MRTFB: variants seen among roughly 807,000 people sequenced by gnomAD.
MRTFB encodes myocardin-related transcription factor B.
Under a neutral mutation model 104.2 loss-of-function variants are expected in MRTFB, and 29 were observed. The ratio of observed to expected loss-of-function variants is 0.28; its 90% CI spans 0.21 to 0.38. MRTFB has a LOEUF of 0.38. Ranked by LOEUF, MRTFB falls within the 10% of genes least tolerant of loss-of-function variation. MRTFB has a pLI of 1.00. For missense variants in MRTFB, 1,270 were observed against 1,341.6 expected (o/e 0.95, Z 0.83); for synonymous variants, 535 against 519.5 (o/e 1.03, Z -0.41).
intron 2 of MRTFB, among the ~76,000 whole-genome samples, chr16:14,128,014 A>G (rs1474414787): frequency 7.1e-6 from 1 of 141,754 alleles, no homozygotes; most frequent in Non-Finnish European, 1.5e-5. Context: ...TTCTGTCTGC[A>G]TGCAGTAAGT....
intron 3 of MRTFB, among the ~76,000 whole-genome samples, chr16:14,207,360 G>A (rs75439678): frequency 0.053 from 8,034 of 152,214 alleles, 654 homozygotes; most frequent in African/African-American, 0.17. Flanking sequence ...ATAATTGGTG[G>A]TTGGTGTCTA....
Position 14,140,693 on chromosome 16 carries a change from T to C in MRTFB, c.87T>C (p.Ala29=), listed in dbSNP as rs968281666. Reference sequence around the variant, plus strand: ...CAAGTCCTCAGAGTGAAGCTGTGGCTCATGAATTCCAGGAACTCTCCTTGC... The same window carrying C: ...CAAGTCCTCAGAGTGAAGCTGTGGCCCATGAATTCCAGGAACTCTCCTTGC... The part of the protein sequence containing the change: ...LAPSPQSEAV[A]HEFQELSLQS... The change falls in exon 3 of 17, where the codon GCT becomes GCC. Residue 29 remains alanine (A), a synonymous_variant. Transcript: ENST00000571589. 3.7e-6 allele frequency: 6 copies of C among 1,614,040 alleles called. No homozygotes were observed. In the African/African-American group the frequency reaches 8.0e-5, roughly 22 times the overall value.
chr16:14,180,571 C>G (rs1392451824), intron 3 of MRTFB, among the ~76,000 whole-genome samples: 1 of 152,182 alleles, frequency 6.6e-6, no homozygotes, highest in African/African-American at 2.4e-5. Context: ...GTCTCTTACA[C>G]AAGTGTAGTC....
chr16:14,065,425 T>C, the MRTFB span, among the ~76,000 whole-genome samples: 1 of 152,202 alleles, frequency 6.6e-6, no homozygotes, highest in Admixed American at 6.5e-5. Context: ...TCTGACTTCC[T>C]CTTTTCCTAT....
At chr16:14,144,533 A>C (rs550591523) in intron 3 of MRTFB, 1 of 152,336 alleles carries the variant, frequency 6.6e-6, no homozygotes, top group East Asian at 1.9e-4. Flanking sequence ...AAAATTGCTA[A>C]GATAGTAGAT....
At chr16:14,089,001 T>C (rs1211342744) in intron 2 of MRTFB, among the ~76,000 whole-genome samples, 2 of 152,142 alleles carry the variant, frequency 1.3e-5, no homozygotes, top group Non-Finnish European at 2.9e-5. Context: ...ACTGTAGGGA[T>C]TTATTGGTAG....
intron 8 of MRTFB, among the ~76,000 whole-genome samples, chr16:14,228,575 C>CAAA (rs373167499): frequency 6.5e-4 from 88 of 135,152 alleles, no homozygotes; most frequent in African/African-American, 2.2e-3. Flanking sequence ...GACTCCGTCC[C>CAAA]AAAAAAAAAA....
At chr16:14,033,262 T>G in the MRTFB span, among the ~76,000 whole-genome samples, 1 of 151,640 alleles carries the variant, frequency 6.6e-6, no homozygotes, top group Admixed American at 6.6e-5. Flanking sequence ...AAAAAAAACA[T>G]AGGTCGGGTG....
chr16:14,149,534 C>G (rs184308332), intron 3 of MRTFB: 5 of 152,220 alleles, frequency 3.3e-5, no homozygotes, highest in Admixed American at 3.3e-4. Flanking sequence ...ACCACTGCCA[C>G]GTATTATAGG....
chr16:14,248,800 T>C (rs1174734705), intron 12 of MRTFB, 126 bp from the exon 13 acceptor site: 10 of 936,044 alleles, frequency 1.1e-5, no homozygotes, highest in Middle Eastern at 2.2e-4. Flanking sequence ...GAAGTGTGTA[T>C]CTGTAACCTT....
chr16:14,167,216 G>A (rs1300465643), intron 3 of MRTFB, among the ~76,000 whole-genome samples: 3 of 152,130 alleles, frequency 2.0e-5, no homozygotes, highest in Non-Finnish European at 4.4e-5. Context: ...GCATGAGATG[G>A]TTTCTCATTG....
chr16:14,231,251 T>C (rs2042249830), intron 8 of MRTFB, among the ~76,000 whole-genome samples: 2 of 151,580 alleles, frequency 1.3e-5, no homozygotes, highest in Admixed American at 6.6e-5. Context: ...ACCTGCACAT[T>C]GTGCACATGT....
rs1597402225 is a variant in MRTFB, at chr16:14,261,235, T to C, written c.3091T>C (p.Ser1031Pro). 1 of 1,614,128 alleles carries C rather than the reference T, an allele frequency of 6.2e-7. No homozygotes were observed. Among genetic ancestry groups the C allele is most frequent in the Non-Finnish European group, 8.5e-7 (1 of 1,180,022 alleles). ...CTCAGGTATGCTGGACCATTCACAC[T>C]CACCCATGGAGACTTCCGAGACCCA... ...SHSGMLDHSH[S>P]PMETSETQFA... is the part of the protein sequence containing the mutation. Residue 1031 changes from serine to proline, a missense_variant, in exon 17 of 17, where the codon TCA (serine) becomes CCA (proline). By Grantham distance (74) the Ser-to-Pro change is moderately conservative (BLOSUM62 -1). Transcript: ENST00000571589.
intron 2 of MRTFB, among the ~76,000 whole-genome samples, chr16:14,100,348 A>G (rs999895827): frequency 1.3e-5 from 2 of 152,204 alleles, no homozygotes; most frequent in Non-Finnish European, 2.9e-5. Context: ...TTGAGCATCT[A>G]TTGAGATAAT....
At chr16:14,053,358 C>G in the MRTFB span, among the ~76,000 whole-genome samples, 10 of 152,090 alleles carry the variant, frequency 6.6e-5, no homozygotes, top group Non-Finnish European at 1.5e-4. Context: ...CATATCTTGG[C>G]TATTGTGAAT....
chr16:14,226,172 A>C (rs1204931886), intron 8 of MRTFB, among the ~76,000 whole-genome samples: 2 of 152,240 alleles, frequency 1.3e-5, no homozygotes, highest in African/African-American at 4.8e-5. Flanking sequence ...CTACAGATTC[A>C]GTACAGTTCA....
chr16:14,029,932 G>A, the MRTFB span, among the ~76,000 whole-genome samples: 3 of 151,978 alleles, frequency 2.0e-5, no homozygotes, highest in African/African-American at 4.8e-5. Context: ...GAGTGGTTTT[G>A]TCAGGGCTGA....
intron 6 of MRTFB, among the ~76,000 whole-genome samples, chr16:14,216,089 T>C (rs1158751362): frequency 6.6e-6 from 1 of 152,258 alleles, no homozygotes; most frequent in Non-Finnish European, 1.5e-5. Flanking sequence ...ATGAATCATT[T>C]TGTGGACAAT....
chr16:14,058,632 G>C, the MRTFB span, among the ~76,000 whole-genome samples: 11,567 of 150,092 alleles, frequency 0.077, 779 homozygotes, highest in African/African-American at 0.18. Flanking sequence ...GCTTTCTTAA[G>C]TATTCTTCTG....
Sources: gnomAD v4.1 joint callset for allele counts (sites outside exome capture counted in the v4.1 genomes callset) on GRCh38, gnomAD v4.1.1 for gene constraint, MANE v1.5 for transcripts, NCBI Gene and HGNC (gene_info 2026-07-23, HGNC 2026-07-21) for gene names.